MPHOSPH8: variants seen among roughly 807,000 people sequenced by gnomAD.
MPHOSPH8 encodes the protein M-phase phosphoprotein, mpp.
In MPHOSPH8, 45 loss-of-function variants were observed where a neutral mutation model predicts 87.3. The observed-to-expected ratio is 0.52, with a 90% CI of 0.41 to 0.66. MPHOSPH8 has a LOEUF of 0.66. Among genes scored for constraint, MPHOSPH8 ranks in the 30% least tolerant of loss-of-function variants. MPHOSPH8 has a pLI of 0.00. For missense variants in MPHOSPH8, 883 were observed against 1,020.2 expected (o/e 0.87, Z 1.83); for synonymous variants, 366 against 376.9 (o/e 0.97, Z 0.33).
In MPHOSPH8 at chr13:19,633,770, G is replaced by A; in HGVS notation, c.22G>A (p.Ala8Thr). ...TAGGATGGAGCAGGTTGCGGAGGGA[G>A]CAAGGGTGACCGCAGTCCCTGTGTC... MEQVAEG[A>T]RVTAVPVSAA... The change falls in exon 1 of 14, where the codon GCA (alanine) becomes ACA (threonine). Residue 8 changes from alanine to threonine, a missense_variant. Physicochemically the swap from Ala to Thr is moderately conservative, Grantham distance 58 (BLOSUM62 0). Transcript: ENST00000361479. 1 of 1,601,784 alleles carries A rather than the reference G, an allele frequency of 6.2e-7. No homozygotes were observed. Among genetic ancestry groups the A allele is most frequent in the South Asian group, 1.1e-5 (1 of 88,704 alleles).
At position 19,650,391 on chromosome 13, in the gene MPHOSPH8, A is replaced by G. The variant is rs1874780766; in HGVS notation, c.1576+131A>G. ...CGAAGAGTTTATTTGGATCTCCTGAATAAATAACATTTTATATTGAAGACG... is the reference window on the plus strand; with the variant it reads ...CGAAGAGTTTATTTGGATCTCCTGAGTAAATAACATTTTATATTGAAGACG... On this transcript the variant is annotated intron_variant, in intron 5 of 13. Transcript: ENST00000361479. The G allele has an allele frequency of 5.7e-6, 6 of 1,057,614 alleles. No individual in the cohort carries two copies. In the South Asian group the frequency reaches 1.1e-4, roughly 20 times the overall value. The allele number at this position is 1,057,614 out of a possible 1,614,324, so 65.5% of individuals were successfully genotyped here. A position where few individuals can be genotyped will look rare whatever the true frequency, so the allele number is the denominator to read the frequency against.
In MPHOSPH8 at chr13:19,672,834, TCA is replaced by T; in HGVS notation, c.*963_*964del. On this transcript the variant is annotated 3_prime_UTR_variant, in exon 14 of 14. Coordinates refer to ENST00000361479, the MANE Select transcript of MPHOSPH8 (RefSeq NM_017520.4). ...TGAACTTTTAGCAGAGCGTGGTGGC[TCA>T]CACCTATAATCCCAGCGCTTTGGAG... The T allele has an allele frequency of 3.2e-6, 1 of 311,156 alleles. No homozygotes were observed. The highest frequency in any genetic ancestry group is 6.3e-6 in the Non-Finnish European group (1 of 157,520). 19.3% of individuals were successfully genotyped at this position (311,156 alleles called of 1,614,324 possible). A position where few individuals can be genotyped will look rare whatever the true frequency, so the allele number is the denominator to read the frequency against.
chr13:19,662,603 T>G (rs2137535961), intron 8 of MPHOSPH8, among the ~76,000 whole-genome samples: 1 of 152,362 alleles, frequency 6.6e-6, no homozygotes, highest in African/African-American at 2.4e-5. Flanking sequence ...TTATCATCAG[T>G]AGTACATTGT....
Position 19,673,051 on chromosome 13 carries a change from T to G in MPHOSPH8, c.*1176T>G, listed in dbSNP as rs1378517544. The G allele has an allele frequency of 6.8e-6, 3 of 439,864 alleles. No homozygotes were observed. The highest frequency in any genetic ancestry group is 4.8e-5 in the South Asian group (3 of 62,240). 27.2% of individuals were successfully genotyped at this position (439,864 alleles called of 1,614,324 possible). ...GCCTGAGTGACAGAATGAGACCTTG[T>G]CTCAAAAAAAAAAAAAAGTTTCTTG... On this transcript the variant is annotated 3_prime_UTR_variant, in exon 14 of 14. Transcript: ENST00000361479.
At chr13:19,666,398 A>G (rs758791057) in intron 9 of MPHOSPH8, 27 bp from the exon 10 acceptor site, 3 of 1,585,032 alleles carry the variant, frequency 1.9e-6, no homozygotes, top group Non-Finnish European at 2.6e-6. Context: ...CAGCTAAGTA[A>G]TTGTTACTCC....
chr13:19,663,644 G>A (rs1345503511), intron 9 of MPHOSPH8, among the ~76,000 whole-genome samples: 1 of 152,218 alleles, frequency 6.6e-6, no homozygotes, highest in Non-Finnish European at 1.5e-5. Context: ...AGAAAGGTCA[G>A]CAGTTTGGCA....
In MPHOSPH8 at chr13:19,657,362, CA is replaced by C. The variant is rs1875246588; in HGVS notation, c.1577-1628del. 2.0e-5 allele frequency among the ~76,000 whole-genome samples: 3 copies of C among 151,080 alleles called. No individual in the cohort carries two copies. In the South Asian group the frequency reaches 6.2e-4, roughly 31 times the overall value. On this transcript the variant is annotated intron_variant, in intron 5 of 13. Transcript: ENST00000361479. ...GAAACCCCATCTCTACTACAAAATA[CA>C]AAAATTAGCCAGGCAGAATTTTTTT... is the stretch of plus-strand genomic sequence containing the variant.
At chr13:19,657,406 A>G (rs1177456378) in intron 5 of MPHOSPH8, among the ~76,000 whole-genome samples, 2 of 151,254 alleles carry the variant, frequency 1.3e-5, no homozygotes, top group South Asian at 2.1e-4. Context: ...GCAAAAAAAT[A>G]GCTTTTTTTT....
intron 2 of MPHOSPH8, among the ~76,000 whole-genome samples, chr13:19,643,458 G>C (rs1400624262): frequency 6.6e-6 from 1 of 151,932 alleles, no homozygotes; most frequent in East Asian, 1.9e-4. Context: ...TATTGATCAG[G>C]CTGGTAGGAA....
chr13:19,663,212 G>C lies in MPHOSPH8; in HGVS notation c.2019+86G>C, dbSNP rs1018078699. The C allele has an allele frequency of 1.1e-5, 13 of 1,198,656 alleles. No homozygotes were observed. The African/African-American group carries it at 1.8e-4, about 17-fold the overall frequency. The allele number at this position is 1,198,656 out of a possible 1,614,324, so 74.3% of individuals were successfully genotyped here. A position where few individuals can be genotyped will look rare whatever the true frequency, so the allele number is the denominator to read the frequency against. On this transcript the variant is annotated intron_variant, in intron 9 of 13. Transcript: ENST00000361479. ...TCTGCCACTGCCAGGCACTGTGCTGGGGACTGAGAACAGAGTGGGTACCAA... is the reference window on the plus strand; with the variant it reads ...TCTGCCACTGCCAGGCACTGTGCTGCGGACTGAGAACAGAGTGGGTACCAA...
At chr13:19,663,469 G>A (rs1264446358) in intron 9 of MPHOSPH8, among the ~76,000 whole-genome samples, 2 of 152,194 alleles carry the variant, frequency 1.3e-5, no homozygotes, top group East Asian at 1.9e-4. Flanking sequence ...GGAGCACTCC[G>A]GCCGCAGCTG....
At chr13:19,662,366 CCT>C (rs1371507686) in intron 8 of MPHOSPH8, among the ~76,000 whole-genome samples, 1 of 152,068 alleles carries the variant, frequency 6.6e-6, no homozygotes, top group Non-Finnish European at 1.5e-5. Flanking sequence ...CTCAAGCAAT[CCT>C]CTCGCCTCAG....
chr13:19,656,939 T>C (rs1875213088), intron 5 of MPHOSPH8, among the ~76,000 whole-genome samples: 1 of 150,698 alleles, frequency 6.6e-6, no homozygotes, highest in African/African-American at 2.4e-5. Context: ...CTGGCCAACA[T>C]GGTGAAACCC....
At chr13:19,668,964 G>C (rs1176568905) in intron 11 of MPHOSPH8, among the ~76,000 whole-genome samples, 2 of 151,992 alleles carry the variant, frequency 1.3e-5, no homozygotes, top group Non-Finnish European at 2.9e-5. Flanking sequence ...CTCCAGGCAG[G>C]GCTGCGGCTG....
Position 19,646,793 on chromosome 13 carries a change from G to T in MPHOSPH8, c.720G>T (p.Thr240=). The T allele has an allele frequency of 1.9e-6, 3 of 1,579,922 alleles. No homozygotes were observed. Among genetic ancestry groups the T allele is most frequent in the Non-Finnish European group, 1.7e-6 (2 of 1,168,078 alleles). The part of the protein sequence containing the change: ...VKKGEIRDLK[T]KTREDPKENR... Reference sequence around the variant, plus strand: ...AGGGTGAAATAAGAGATTTAAAGACGAAAACAAGAGAAGATCCCAAAGAAA... The same window carrying T: ...AGGGTGAAATAAGAGATTTAAAGACTAAAACAAGAGAAGATCCCAAAGAAA... Residue 240 remains threonine, a synonymous_variant, in exon 3 of 14, where the codon ACG becomes ACT. Transcript: ENST00000361479.
chr13:19,655,239 C>T (rs1240755579), intron 5 of MPHOSPH8, among the ~76,000 whole-genome samples: 1 of 152,090 alleles, frequency 6.6e-6, no homozygotes, highest in Non-Finnish European at 1.5e-5. Context: ...ACTTTGGGAG[C>T]TGAAATGAGA....
At position 19,633,910 on chromosome 13, in the gene MPHOSPH8, C is replaced by T. The variant is rs201058071; in HGVS notation, c.162C>T (p.Asp54=). The change falls in exon 1 of 14, where the codon GAC becomes GAT. Residue 54 remains aspartate (D), a synonymous_variant. Transcript: ENST00000361479. ...GAEAFGDSEE[D]GEDVFEVEKI... is the part of the protein sequence containing the mutation. ...AGGCCTTTGGCGACAGTGAGGAGGA[C>T]GGAGAGGATGTGTTCGAGGTGGAGA... 2.2e-5 allele frequency: 36 copies of T among 1,611,472 alleles called. No homozygotes were observed. In the African/African-American group the frequency reaches 3.9e-4, roughly 17 times the overall value.
rs1876260655 is a variant in MPHOSPH8, at chr13:19,673,300, T to G, written c.*1425T>G. 2 of 358,138 alleles carry G rather than the reference T, an allele frequency of 5.6e-6. No homozygotes were observed. The highest frequency in any genetic ancestry group is 5.5e-6 in the Non-Finnish European group (1 of 181,866). 22.2% of individuals were successfully genotyped at this position (358,138 alleles called of 1,614,324 possible). On this transcript the variant is annotated 3_prime_UTR_variant, in exon 14 of 14. Transcript: ENST00000361479. ...AAGTTGAAAATTGTTTTGTTCCTCA[T>G]TAGTTTATAATTGTATGAAATACGA... is the stretch of plus-strand genomic sequence containing the variant.
chr13:19,638,285 TA>T (rs1368625630), intron 1 of MPHOSPH8, among the ~76,000 whole-genome samples: 4 of 152,058 alleles, frequency 2.6e-5, no homozygotes. Flanking sequence ...ACTATTATTT[TA>T]AAATTTTAAG....
Sources: gnomAD v4.1 joint callset for allele counts (sites outside exome capture counted in the v4.1 genomes callset) on GRCh38, gnomAD v4.1.1 for gene constraint, MANE v1.5 for transcripts, NCBI Gene and HGNC (gene_info 2026-07-23, HGNC 2026-07-21) for gene names.